The following MRPL10 variants were observed in gnomAD, a reference collection of about 807,000 sequenced individuals.
MRPL10 encodes the protein mitochondrial ribosomal protein L10, also known as large ribosomal subunit protein uL10m.
A neutral mutation model predicts 19.8 loss-of-function variants in MRPL10; 14 were observed. That is an observed-to-expected ratio of 0.71 (90% confidence interval 0.47 to 1.11). The LOEUF is 1.11. Ranked by LOEUF, MRPL10 falls within the 50% of genes least tolerant of loss-of-function variation. MRPL10 has a pLI of 0.00. For missense variants in MRPL10, 318 were observed against 339.6 expected (o/e 0.94, Z 0.50); for synonymous variants, 129 against 139.2 (o/e 0.93, Z 0.52).
intron 3 of MRPL10, 69 bp downstream of exon 3, chr17:47,826,971 T>A: frequency 1.3e-6 from 2 of 1,508,872 alleles, no homozygotes; most frequent in Non-Finnish European, 1.8e-6. Context: ...GGGGAGCAGA[T>A]GGTGAGGTCT....
chr17:47,828,960 G>C (rs1223305106), intron 1 of MRPL10, among the ~76,000 whole-genome samples: 1 of 152,120 alleles, frequency 6.6e-6, no homozygotes, highest in African/African-American at 2.4e-5. Context: ...AAAATATTTT[G>C]AACACATTAA....
At chr17:47,827,704 C>T (rs1158651026) in intron 2 of MRPL10, among the ~76,000 whole-genome samples, 1 of 151,512 alleles carries the variant, frequency 6.6e-6, no homozygotes, top group East Asian at 1.9e-4. Context: ...CGAGACCAGC[C>T]TGACCAACAT....
chr17:47,825,986 A>G (rs10853091), intron 4 of MRPL10, among the ~76,000 whole-genome samples: 19 of 75,568 alleles, frequency 2.5e-4, no homozygotes, highest in Non-Finnish European at 2.6e-4. Flanking sequence ...TAAAAATACG[A>G]AAAAAAAAAA....
intron 1 of MRPL10, 140 bp from the exon 2 acceptor site, chr17:47,828,810 T>C (rs920776322): frequency 5.0e-6 from 3 of 600,930 alleles, no homozygotes; most frequent in Non-Finnish European, 7.5e-6. Context: ...GGACAAGGAA[T>C]TGTCTGACAA....
At chr17:47,828,397 G>A (rs1334449518) in intron 2 of MRPL10, 104 bp downstream of exon 2, 9 of 764,992 alleles carry the variant, frequency 1.2e-5, no homozygotes, top group African/African-American at 3.6e-5. Flanking sequence ...AAATAATGAC[G>A]TGCATGACAA....
rs886286408 is a variant in MRPL10, at chr17:47,828,550, G to A, written c.173C>T (p.Pro58Leu). 9.4e-6 allele frequency: 14 copies of A among 1,484,910 alleles called. No individual in the cohort carries two copies. The highest frequency in any genetic ancestry group is 1.1e-5 in the Non-Finnish European group (12 of 1,119,790). The allele number at this position is 1,484,910 out of a possible 1,614,324, so 92.0% of individuals were successfully genotyped here. ...TGGCAGGCATGATGGGTGGATGGCT[G>A]GTTTCGGGGGGATATATTCAGTCAC... Reference protein sequence around the residue: ...MAVTEYIPPKPAIHPSCLPSP... With the variant: ...MAVTEYIPPKLAIHPSCLPSP... The change falls in exon 2 of 5, where the codon CCA becomes CTA. Residue 58 changes from proline to leucine, a missense_variant. Physicochemically the swap from Pro to Leu is moderately conservative, Grantham distance 98. Coordinates refer to ENST00000351111, the MANE Select transcript of MRPL10 (RefSeq NM_145255.4).
intron 1 of MRPL10, among the ~76,000 whole-genome samples, chr17:47,829,842 T>C (rs2033596672): frequency 6.6e-6 from 1 of 151,970 alleles, no homozygotes; most frequent in African/African-American, 2.4e-5. Flanking sequence ...TGAGCCGAGA[T>C]TGTGCCATTG....
chr17:47,824,019 G>A lies in MRPL10; in HGVS notation c.*186C>T. On this transcript the variant is annotated 3_prime_UTR_variant, in exon 5 of 5. Coordinates refer to ENST00000351111, the MANE Select transcript of MRPL10 (RefSeq NM_145255.4). ...GTTGGGAAAACTAAGGACGAAGCCG[G>A]TGACTGACATCTGAAATGGAATCCT... 1.4e-6 allele frequency: 1 copy of A among 720,934 alleles called. No individual in the cohort carries two copies. The highest frequency in any genetic ancestry group is 2.3e-6 in the Non-Finnish European group (1 of 443,334). The allele number at this position is 720,934 out of a possible 1,614,324, so 44.7% of individuals were successfully genotyped here.
chr17:47,828,178 G>A (rs2033565508), intron 2 of MRPL10: 1 of 177,656 alleles, frequency 5.6e-6, no homozygotes, highest in Non-Finnish European at 1.2e-5. Context: ...ACTCCAGCTT[G>A]GGCAACAAGA....
intron 4 of MRPL10, among the ~76,000 whole-genome samples, chr17:47,826,032 A>G (rs911295280): frequency 6.6e-6 from 1 of 151,274 alleles, no homozygotes; most frequent in African/African-American, 2.4e-5. Context: ...CTGTAATCCC[A>G]GCTACTCAGG....
chr17:47,829,100 C>T (rs1372331132), intron 1 of MRPL10: 1 of 154,524 alleles, frequency 6.5e-6, no homozygotes, highest in Non-Finnish European at 1.4e-5. Flanking sequence ...CCCATCTCTA[C>T]TAAAAATACA....
In MRPL10 at chr17:47,831,472, G is replaced by A. The variant is rs1428923748; in HGVS notation, c.40C>T (p.Leu14=). The change falls in exon 1 of 5, where the codon CTG becomes TTG. Residue 14 remains leucine, a synonymous_variant. Transcript: ENST00000351111. ...GGCCACTCCTTACCCGCCTGGGGCA[G>A]GAGACCCCCTCGCAGCATCCCCGCC... is the stretch of plus-strand genomic sequence containing the variant. ...AVAGMLRGGL[L]PQAGRLPTLQ... The A allele has an allele frequency of 3.9e-6, 6 of 1,549,056 alleles. No homozygotes were observed. The highest frequency in any genetic ancestry group is 4.4e-6 in the Non-Finnish European group (5 of 1,146,742).
intron 1 of MRPL10, 35 bp downstream of exon 1, chr17:47,831,425 C>A: frequency 6.5e-7 from 1 of 1,547,890 alleles, no homozygotes; most frequent in Non-Finnish European, 8.7e-7. Context: ...AGAGCGGCCG[C>A]AAGACACGCC....
chr17:47,828,239 C>T, intron 2 of MRPL10: 1 of 338,808 alleles, frequency 3.0e-6, no homozygotes. Context: ...ATACTCTCCC[C>T]AGCCCCACCT....
rs1471211627 is a variant in MRPL10, at chr17:47,826,611, C to T, written c.532+26G>A. The T allele has an allele frequency of 1.9e-6, 3 of 1,611,822 alleles. No homozygotes were observed. In the African/African-American group the frequency reaches 4.0e-5, roughly 22 times the overall value. The stretch of plus-strand genomic sequence containing the variant: ...GCAGCAGGCCCCTCTTCACCCCACC[C>T]CTAACTGGCAGGGGTGCTTGCTCAC... On this transcript the variant is annotated intron_variant, in intron 4 of 4. Coordinates refer to ENST00000351111, the MANE Select transcript of MRPL10 (RefSeq NM_145255.4).
rs1243282272 is a variant in MRPL10, at chr17:47,831,461, C to G, written c.51G>C (p.Ala17=). 2 of 1,548,884 alleles carry G rather than the reference C, an allele frequency of 1.3e-6. No homozygotes were observed. Among genetic ancestry groups the G allele is most frequent in the Admixed American group, 2.0e-5 (1 of 50,924 alleles). The change falls in exon 1 of 5, where the codon GCG becomes GCC. Residue 17 remains alanine, a splice_region_variant and synonymous_variant. Transcript: ENST00000351111. ...GTGAGGACCTGGGCCACTCCTTACCCGCCTGGGGCAGGAGACCCCCTCGCA... is the reference window on the plus strand; with the variant it reads ...GTGAGGACCTGGGCCACTCCTTACCGGCCTGGGGCAGGAGACCCCCTCGCA... ...GMLRGGLLPQ[A]GRLPTLQTVR...
rs1451639786 is a variant in MRPL10, at chr17:47,826,674, T to C, written c.495A>G (p.Val165=). The C allele has an allele frequency of 6.2e-7, 1 of 1,614,006 alleles. No individual in the cohort carries two copies. The highest frequency in any genetic ancestry group is 8.5e-7 in the Non-Finnish European group (1 of 1,180,044). The change falls in exon 4 of 5, where the codon GTA becomes GTG. Residue 165 remains valine, a synonymous_variant. Transcript: ENST00000351111. The stretch of plus-strand genomic sequence containing the variant: ...GGAATGGCACAGTCCTTAAGATCCG[T>C]ACCATCTCCTTGACCTTGGGCTCTT... ...VSEEPKVKEM[V]RILRTVPFLP...
intron 4 of MRPL10, among the ~76,000 whole-genome samples, chr17:47,825,218 A>G (rs2033512807): frequency 6.6e-6 from 1 of 152,046 alleles, no homozygotes; most frequent in South Asian, 2.1e-4. Flanking sequence ...AATCCCAGCT[A>G]CTTGGGAGGC....
At chr17:47,829,503 C>T (rs62076132) in intron 1 of MRPL10, 41,266 of 152,100 alleles carry the variant, frequency 0.27, 6,945 homozygotes, top group Non-Finnish European at 0.38. Context: ...ACTGGCCCTG[C>T]CATAATACGC....
Sources: allele counts gnomAD v4.1 joint callset (sites outside exome capture counted in the v4.1 genomes callset), GRCh38; gene constraint gnomAD v4.1.1; transcripts MANE v1.5; gene names NCBI Gene and HGNC (gene_info 2026-07-23, HGNC 2026-07-21).